EPPIN: variants seen among roughly 807,000 people sequenced by gnomAD.
EPPIN encodes the protein epididymal peptidase inhibitor.
Under a neutral mutation model 18.8 loss-of-function variants are expected in EPPIN, and 14 were observed. The ratio of observed to expected loss-of-function variants is 0.75; its 90% CI spans 0.49 to 1.17. EPPIN has a LOEUF of 1.17. Among genes scored for constraint, EPPIN ranks in the 50% most tolerant of loss-of-function variants. The probability of loss-of-function intolerance (pLI) is 0.00; values close to 1 mark genes in which losing one functional copy is unlikely to be tolerated. For synonymous variants in EPPIN, 57 were observed against 54.8 expected (o/e 1.04, Z -0.18); for missense variants, 143 against 154.2 (o/e 0.93, Z 0.39).
intron 3 of EPPIN, 163 bp downstream of exon 3, chr20:45,542,537 T>C: frequency 9.5e-7 from 1 of 1,054,336 alleles, no homozygotes. Flanking sequence ...GAAAGTAACT[T>C]TGTCTTGCCT....
rs540134803 is a variant in EPPIN at position 45,542,804 on chromosome 20, T to C, written c.287A>G (p.Asp96Gly). ...CLAYFLHWWY[D>G]KKDNTCSMFV... ...CATGGAGCAAGTATTATCTTTCTTG[T>C]CATACCACCAATGAAGAAAATAAGC... Residue 96 changes from aspartate to glycine, a missense_variant, in exon 3 of 4, where the codon GAC becomes GGC. By Grantham distance (94) the Asp-to-Gly change is moderately conservative. Coordinates refer to ENST00000354280, the MANE Select transcript of EPPIN (RefSeq NM_020398.4). 6.4e-5 allele frequency: 103 copies of C among 1,613,964 alleles called. No individual in the cohort carries two copies. In the East Asian group the frequency reaches 1.9e-3, roughly 29 times the overall value.
At chr20:45,546,518 T>C (rs1979842261) in intron 1 of EPPIN, 1 of 152,244 alleles carries the variant, frequency 6.6e-6, no homozygotes, top group South Asian at 2.1e-4. Context: ...TTCTAAGCAT[T>C]TTAAATGTAT....
In EPPIN at chr20:45,540,669, A is replaced by G. The variant is rs1179650949; in HGVS notation, c.*1475T>C. The G allele has an allele frequency of 6.6e-6, 1 of 152,230 alleles. No homozygotes were observed. Among genetic ancestry groups the G allele is most frequent in the Non-Finnish European group, 1.5e-5 (1 of 68,048 alleles). The allele number at this position is 152,230 out of a possible 1,614,324, so 9.4% of individuals were successfully genotyped here. On this transcript the variant is annotated 3_prime_UTR_variant, in exon 4 of 4. Transcript: ENST00000354280. Reference sequence around the variant, plus strand: ...TATGCGGCCAACAAACATATGAAAAAAAGCTCAACACCAGTGATCATCAGA... The same window carrying G: ...TATGCGGCCAACAAACATATGAAAAGAAGCTCAACACCAGTGATCATCAGA...
Position 45,542,925 on chromosome 20 carries a change from G to A in EPPIN, c.224-58C>T, listed in dbSNP as rs1251722570. ...GTGCCCACTCCAGAAATAAACAGTT[G>A]TTATTATTCTCCCTGGCAACTGCTA... is the stretch of plus-strand genomic sequence containing the variant. On this transcript the variant is annotated intron_variant, in intron 2 of 3. Transcript: ENST00000354280. 7.1e-6 allele frequency: 11 copies of A among 1,547,528 alleles called. No homozygotes were observed. The Admixed American group carries it at 2.1e-4, about 29-fold the overall frequency.
intron 2 of EPPIN, chr20:45,545,260 AGC>A: frequency 4.6e-6 from 1 of 217,988 alleles, no homozygotes; most frequent in South Asian, 9.4e-5. Flanking sequence ...GTCACTCCAT[AGC>A]AAAAAAGTTG....
chr20:45,542,381 T>G (rs1979631203), intron 3 of EPPIN: 7 of 659,602 alleles, frequency 1.1e-5, no homozygotes, highest in South Asian at 1.0e-4. Context: ...CAACGTGTCT[T>G]AAGTTTAGCG....
intron 2 of EPPIN, 78 bp from the exon 3 acceptor site, chr20:45,542,945 C>T (rs1979666253): frequency 1.3e-6 from 2 of 1,530,992 alleles, no homozygotes; most frequent in Non-Finnish European, 1.7e-6. Flanking sequence ...TCCCTGGCAA[C>T]TGCTATAGAA....
At chr20:45,546,058 GC>G (rs1258550802) in intron 1 of EPPIN, 3 of 480,380 alleles carry the variant, frequency 6.2e-6, no homozygotes, top group African/African-American at 3.9e-5. Context: ...TGTTTGGGGG[GC>G]TGAACTGGGG....
chr20:45,545,861 G>T, intron 1 of EPPIN, 91 bp from the exon 2 acceptor site: 1 of 1,556,128 alleles, frequency 6.4e-7, no homozygotes. Flanking sequence ...GAGAGTCAGG[G>T]AAGTTTGCTT....
chr20:45,545,447 G>T, intron 2 of EPPIN, 192 bp downstream of exon 2: 1 of 843,666 alleles, frequency 1.2e-6, no homozygotes, highest in Non-Finnish European at 1.8e-6. Flanking sequence ...GACATTACCT[G>T]ATAGGATAAG....
rs74486585 is a variant in EPPIN at position 45,546,053 on chromosome 20, G to C, written c.92-283C>G. On this transcript the variant is annotated intron_variant, in intron 1 of 3. Transcript: ENST00000354280. ...ATTTGGGCTGGATAATTCTTTGTTTGGGGGGCTGAACTGGGGATTGTAGGA... is the reference window on the plus strand; with the variant it reads ...ATTTGGGCTGGATAATTCTTTGTTTCGGGGGCTGAACTGGGGATTGTAGGA... 5 of 486,402 alleles carry C rather than the reference G, an allele frequency of 1.0e-5. 1 individual carries two copies. Among genetic ancestry groups the C allele is most frequent in the African/African-American group, 1.9e-5 (1 of 51,460 alleles). 30.1% of individuals were successfully genotyped at this position (486,402 alleles called of 1,614,324 possible).
chr20:45,547,016 C>T (rs556507626), intron 1 of EPPIN, among the ~76,000 whole-genome samples: 4 of 152,206 alleles, frequency 2.6e-5, no homozygotes, highest in African/African-American at 9.6e-5. Flanking sequence ...GATCCTGTGA[C>T]TCTCCTCCAC....
intron 2 of EPPIN, 128 bp from the exon 3 acceptor site, chr20:45,542,995 G>A (rs2231835): frequency 0.017 from 23,098 of 1,366,956 alleles, 1,007 homozygotes; most frequent in African/African-American, 0.13. Context: ...CACATGGCAG[G>A]AGCACAGCTC....
intron 2 of EPPIN, 23 bp from the exon 3 acceptor site, chr20:45,542,890 A>C (rs1256686917): frequency 3.1e-6 from 5 of 1,596,700 alleles, no homozygotes; most frequent in Middle Eastern, 1.7e-4. Context: ...TCCAGAGTTG[A>C]AAACTCAGTG....
In EPPIN at chr20:45,542,478, A is replaced by G. The variant is rs1363489984; in HGVS notation, c.391+222T>C. Reference sequence around the variant, plus strand: ...CCTCCTAATTCCCCTCATACTTGCCAGCATTGATTACTTCTACATCCCTTC... The same window carrying G: ...CCTCCTAATTCCCCTCATACTTGCCGGCATTGATTACTTCTACATCCCTTC... On this transcript the variant is annotated intron_variant, in intron 3 of 3. Coordinates refer to ENST00000354280, the MANE Select transcript of EPPIN (RefSeq NM_020398.4). The G allele has an allele frequency of 4.4e-6, 3 of 680,786 alleles. No homozygotes were observed. The East Asian group carries it at 8.3e-5, about 19-fold the overall frequency. The allele number at this position is 680,786 out of a possible 1,614,324, so 42.2% of individuals were successfully genotyped here. A position where few individuals can be genotyped will look rare whatever the true frequency, so the allele number is the denominator to read the frequency against.
intron 2 of EPPIN, 128 bp downstream of exon 2, chr20:45,545,511 G>A (rs767810300): frequency 1.3e-5 from 20 of 1,511,340 alleles, no homozygotes; most frequent in Non-Finnish European, 1.8e-5. Context: ...CTAAATCGCA[G>A]GTCTCCCAAG....
intron 2 of EPPIN, chr20:45,545,184 C>T (rs1455489394): frequency 6.2e-6 from 1 of 162,112 alleles, no homozygotes; most frequent in Non-Finnish European, 1.3e-5. Flanking sequence ...AGGAGAAACC[C>T]TCTGTTCTGG....
Position 45,541,996 on chromosome 20 carries a change from G to T in EPPIN, c.*148C>A. 2.4e-6 allele frequency: 2 copies of T among 835,336 alleles called. No homozygotes were observed. The highest frequency in any genetic ancestry group is 2.2e-5 in the South Asian group (1 of 45,862). The allele number at this position is 835,336 out of a possible 1,614,324, so 51.7% of individuals were successfully genotyped here. A position where few individuals can be genotyped will look rare whatever the true frequency, so the allele number is the denominator to read the frequency against. ...GCCAAAGATGGAGGAAGAGGAGGTAGATGCAAGCGTTCTGTTCTGGGAAGG... is the reference window on the plus strand; with the variant it reads ...GCCAAAGATGGAGGAAGAGGAGGTATATGCAAGCGTTCTGTTCTGGGAAGG... On this transcript the variant is annotated 3_prime_UTR_variant, in exon 4 of 4. Transcript: ENST00000354280.
At chr20:45,545,932 C>A in intron 1 of EPPIN, 162 bp from the exon 2 acceptor site, 1 of 1,052,928 alleles carries the variant, frequency 9.5e-7, no homozygotes. Context: ...TTCCCTACTG[C>A]CTACACCCCC....
Sources: gnomAD v4.1 joint callset for allele counts (sites outside exome capture counted in the v4.1 genomes callset) on GRCh38, gnomAD v4.1.1 for gene constraint, MANE v1.5 for transcripts, NCBI Gene and HGNC (gene_info 2026-07-23, HGNC 2026-07-21) for gene names.